Variants in LGMN observed in about 807,000 individuals in gnomAD.
LGMN encodes asparaginyl endopeptidase.
In LGMN, 36 loss-of-function variants were observed where a neutral mutation model predicts 56.8. The observed-to-expected ratio is 0.63, with a 90% CI of 0.49 to 0.84. LGMN has a LOEUF of 0.84. Ranked by LOEUF, LGMN falls within the 40% of genes least tolerant of loss-of-function variation. LGMN has a pLI of 0.00. For missense variants in LGMN, 446 were observed against 556.1 expected (o/e 0.80, Z 1.99); for synonymous variants, 199 against 210.1 (o/e 0.95, Z 0.46).
At chr14:92,712,944 C>T in intron 7 of LGMN, 73 bp from the exon 8 acceptor site, 1 of 1,353,238 alleles carries the variant, frequency 7.4e-7, no homozygotes, top group Non-Finnish European at 1.0e-6. Context: ...TGGAGCTCTG[C>T]CCACTCTCTC....
chr14:92,712,757 G>A, intron 8 of LGMN, 48 bp downstream of exon 8: 2 of 1,577,000 alleles, frequency 1.3e-6, no homozygotes, highest in Non-Finnish European at 1.7e-6. Flanking sequence ...CGGTGTCTGA[G>A]CAACCTGCTT....
At chr14:92,746,722 C>T (rs905050099) in intron 1 of LGMN, among the ~76,000 whole-genome samples, 1 of 152,084 alleles carries the variant, frequency 6.6e-6, no homozygotes, top group Admixed American at 6.6e-5. Flanking sequence ...AAGATGTACC[C>T]CTCTATTCTC....
In LGMN at chr14:92,705,699, C is replaced by T. The variant is rs200611858; in HGVS notation, c.1191+784G>A. On this transcript the variant is annotated intron_variant, in intron 12 of 13. Coordinates refer to ENST00000334869, the MANE Select transcript of LGMN (RefSeq NM_005606.7). The stretch of plus-strand genomic sequence containing the variant: ...CTGGAGTATAGTGGCACAATCTCGG[C>T]TCATTGCAACCTCCACCTCCCTGGT... Among the ~76,000 whole-genome samples the T allele has an allele frequency of 4.2e-4, 64 of 152,064 alleles. No individual in the cohort carries two copies. The East Asian group carries it at 0.012, about 28-fold the overall frequency.
At chr14:92,719,140 GCCACCACCACCGCCACTGCCACCA>G (rs770814024) in intron 2 of LGMN, among the ~76,000 whole-genome samples, 9,374 of 134,026 alleles carry the variant, frequency 0.07, 415 homozygotes, top group South Asian at 0.12. Flanking sequence ...CACCGCCACC[GCCACCACCACCGCCACTGCCACCA>G]CCACCACCAC....
At position 92,703,986 on chromosome 14, in the gene LGMN, A is replaced by G; in HGVS notation, c.*333T>C. 1 of 625,204 alleles carries G rather than the reference A, an allele frequency of 1.6e-6. No homozygotes were observed. Among genetic ancestry groups the G allele is most frequent in the South Asian group, 1.8e-5 (1 of 54,484 alleles). The allele number at this position is 625,204 out of a possible 1,614,324, so 38.7% of individuals were successfully genotyped here. ...GGTTTCAGCTTCAAATTCTCAGAAT[A>G]AAGACTCCTTTTGAGAGGGGCTACA... On this transcript the variant is annotated 3_prime_UTR_variant, in exon 14 of 14. Transcript: ENST00000334869.
intron 12 of LGMN, among the ~76,000 whole-genome samples, chr14:92,705,502 AAAACAAAC>A (rs34683271): frequency 6.6e-6 from 1 of 150,630 alleles, no homozygotes; most frequent in Non-Finnish European, 1.5e-5. Flanking sequence ...AACTGTGTCT[AAAACAAAC>A]AAACAAACAA....
At chr14:92,718,137 C>T (rs1367199487) in intron 3 of LGMN, among the ~76,000 whole-genome samples, 1 of 152,160 alleles carries the variant, frequency 6.6e-6, no homozygotes, top group African/African-American at 2.4e-5. Context: ...GCAGCCTGCT[C>T]GGAGCTTAGG....
intron 2 of LGMN, among the ~76,000 whole-genome samples, chr14:92,721,129 C>T (rs146439318): frequency 6.1e-4 from 93 of 152,136 alleles, no homozygotes; most frequent in African/African-American, 2.1e-3. Flanking sequence ...TGGGCTCAAG[C>T]GATCCTCCCA....
chr14:92,719,201 ACACCAC>A lies in LGMN; in HGVS notation c.139-363_139-358del, dbSNP rs1288104989. Among the ~76,000 whole-genome samples, 5 of 45,424 alleles carry A rather than the reference ACACCAC, an allele frequency of 1.1e-4. 1 individual carries two copies. Among genetic ancestry groups the A allele is most frequent in the African/African-American group, 4.3e-4 (4 of 9,296 alleles). The allele number at this position is 45,424 out of a possible 152,430, so 29.8% of individuals were successfully genotyped here. A position where few individuals can be genotyped will look rare whatever the true frequency, so the allele number is the denominator to read the frequency against. ...ACCACCATCACCACCACCGCCACCA[ACACCAC>A]CACCGCCACCAACACCACCACCGCC... On this transcript the variant is annotated intron_variant, in intron 2 of 13. Transcript: ENST00000334869.
At chr14:92,709,601 C>T (rs1282574599) in intron 11 of LGMN, 71 bp downstream of exon 11, 1 of 1,246,748 alleles carries the variant, frequency 8.0e-7, no homozygotes, top group African/African-American at 1.5e-5. Flanking sequence ...GGAGGCAGGG[C>T]CGTGCTCATG....
chr14:92,717,857 CAG>C (rs1273706072), intron 3 of LGMN, among the ~76,000 whole-genome samples: 5 of 152,178 alleles, frequency 3.3e-5, no homozygotes, highest in Non-Finnish European at 7.3e-5. Flanking sequence ...GTTAAAGCGT[CAG>C]AGTGGGTGAT....
chr14:92,716,299 A>G, intron 4 of LGMN, 78 bp from the exon 5 acceptor site: 1 of 1,001,180 alleles, frequency 1.0e-6, no homozygotes, highest in Non-Finnish European at 1.6e-6. Flanking sequence ...CAACCGACCC[A>G]TGCCACCAGC....
chr14:92,710,886 C>T (rs1311074477), intron 10 of LGMN, among the ~76,000 whole-genome samples: 1 of 152,236 alleles, frequency 6.6e-6, no homozygotes, highest in East Asian at 1.9e-4. Flanking sequence ...CTCATGTCCC[C>T]CATCCCATGC....
Position 92,732,634 on chromosome 14 carries a change from T to A in LGMN, c.138+15A>T, listed in dbSNP as rs201993635. On this transcript the variant is annotated intron_variant, in intron 2 of 13. Coordinates refer to ENST00000334869, the MANE Select transcript of LGMN (RefSeq NM_005606.7). The stretch of plus-strand genomic sequence containing the variant: ...CCAGTGTCCTTAACAAAAAAAAGAT[T>A]AGTCATTTTCTTACCTGGTGCCTAT... 1.7e-4 allele frequency: 270 copies of A among 1,612,454 alleles called. No individual in the cohort carries two copies. In the South Asian group the frequency reaches 2.8e-3, roughly 17 times the overall value.
intron 7 of LGMN, 109 bp downstream of exon 7, chr14:92,713,714 G>A: frequency 1.3e-6 from 1 of 795,904 alleles, no homozygotes; most frequent in East Asian, 2.5e-5. Flanking sequence ...CCCCTTTCTA[G>A]AAAACACAGC....
chr14:92,731,756 A>G (rs972522285), intron 2 of LGMN, among the ~76,000 whole-genome samples: 2 of 152,220 alleles, frequency 1.3e-5, no homozygotes, highest in Non-Finnish European at 2.9e-5. Context: ...TGCTATGAAC[A>G]GTCATGTACA....
At chr14:92,708,605 A>T (rs896766594) in intron 11 of LGMN, among the ~76,000 whole-genome samples, 3 of 152,128 alleles carry the variant, frequency 2.0e-5, no homozygotes, top group Non-Finnish European at 1.5e-5. Flanking sequence ...ACATTGATTT[A>T]AAAAAAGAAT....
intron 1 of LGMN, among the ~76,000 whole-genome samples, chr14:92,740,188 C>T (rs1031919431): frequency 1.3e-5 from 2 of 152,178 alleles, no homozygotes; most frequent in African/African-American, 4.8e-5. Flanking sequence ...GCAGAGGTTG[C>T]AGTGAGGCGA....
In LGMN at chr14:92,714,552, T is replaced by A; in HGVS notation, c.405-101A>T. The A allele has an allele frequency of 1.2e-6, 1 of 829,458 alleles. No individual in the cohort carries two copies. The allele number at this position is 829,458 out of a possible 1,614,324, so 51.4% of individuals were successfully genotyped here. A position where few individuals can be genotyped will look rare whatever the true frequency, so the allele number is the denominator to read the frequency against. Reference sequence around the variant, plus strand: ...TCAAAAAATTAAGAAGTTTGGGGAGTAGAGTTGCCCAACCAGGTTTGAAGA... The same window carrying A: ...TCAAAAAATTAAGAAGTTTGGGGAGAAGAGTTGCCCAACCAGGTTTGAAGA... On this transcript the variant is annotated intron_variant, in intron 5 of 13. Transcript: ENST00000334869. This position sits in a 1 kb window ranked among gnomAD's most constrained non-coding sequence, Gnocchi z 5.1.
Sources: allele counts gnomAD v4.1 joint callset (sites outside exome capture counted in the v4.1 genomes callset), GRCh38; gene constraint gnomAD v4.1.1; non-coding constraint Gnocchi (gnomAD v3.1); transcripts MANE v1.5; gene names NCBI Gene and HGNC (gene_info 2026-07-23, HGNC 2026-07-21).